The following ARSB variants were observed in gnomAD, a reference collection of about 807,000 sequenced individuals.
The protein encoded by ARSB is arylsulfatase B, also known as N-acetylgalactosamine-4-sulfatase.
ARSB carries 41 observed loss-of-function variants against 50.9 expected under a neutral mutation model. That is an observed-to-expected ratio of 0.81 (90% CI 0.63 to 1.04). The LOEUF is 1.04. Among genes scored for constraint, ARSB ranks in the 50% least tolerant of loss-of-function variants. ARSB has a pLI of 0.00. For synonymous variants in ARSB, 269 were observed against 284.8 expected (o/e 0.94, Z 0.56); for missense variants, 672 against 693.3 (o/e 0.97, Z 0.35).
chr5:78,888,988 G>C (rs1243737031), intron 4 of ARSB, among the ~76,000 whole-genome samples: 1 of 152,246 alleles, frequency 6.6e-6, no homozygotes, highest in Non-Finnish European at 1.5e-5. Context: ...GCCAACTGCA[G>C]ATGTGGCCTC....
At chr5:78,792,743 C>T (rs549746282) in intron 6 of ARSB, among the ~76,000 whole-genome samples, 5 of 151,944 alleles carry the variant, frequency 3.3e-5, no homozygotes, top group Non-Finnish European at 5.9e-5. Context: ...TAAGCCCAGG[C>T]AAATAGGTAA....
chr5:78,875,667 T>TGTA (rs2112172132), intron 5 of ARSB, among the ~76,000 whole-genome samples: 1 of 144,746 alleles, frequency 6.9e-6, no homozygotes, highest in African/African-American at 2.7e-5. Flanking sequence ...TTATTTATAT[T>TGTA]ATTATTATTT....
intron 4 of ARSB, among the ~76,000 whole-genome samples, chr5:78,895,852 AAG>A (rs1339591194): frequency 6.6e-6 from 1 of 152,176 alleles, no homozygotes; most frequent in Non-Finnish European, 1.5e-5. Flanking sequence ...GAGCCAGGGG[AAG>A]AGAGAGGACT....
chr5:78,949,815 C>T (rs1230940803), intron 4 of ARSB, among the ~76,000 whole-genome samples: 1 of 152,070 alleles, frequency 6.6e-6, no homozygotes, highest in Non-Finnish European at 1.5e-5. Flanking sequence ...GAGGCTGAGG[C>T]AGGAGAATCA....
At chr5:78,923,205 G>T (rs182352632) in intron 4 of ARSB, among the ~76,000 whole-genome samples, 68 of 152,332 alleles carry the variant, frequency 4.5e-4, no homozygotes, top group Non-Finnish European at 9.0e-4. Flanking sequence ...CCATCTCACT[G>T]GGACCCTTTG....
At chr5:78,968,297 G>T (rs1752292322) in intron 2 of ARSB, among the ~76,000 whole-genome samples, 1 of 148,750 alleles carries the variant, frequency 6.7e-6, no homozygotes, top group South Asian at 2.1e-4. Flanking sequence ...CTTTGTGAAG[G>T]AAATATTCAT....
intron 6 of ARSB, among the ~76,000 whole-genome samples, chr5:78,826,091 G>GGCTGGA (rs1744422829): frequency 6.6e-6 from 1 of 150,562 alleles, no homozygotes; most frequent in Admixed American, 6.6e-5. Context: ...CTGTTGCCCA[G>GGCTGGA]GCTGGAGTGC....
intron 5 of ARSB, chr5:78,884,489 G>A (rs376749): frequency 0.75 from 113,422 of 151,740 alleles, 43,929 homozygotes; most frequent in East Asian, 1. Context: ...CCTGAAACCT[G>A]CTATTCTTGA....
intron 4 of ARSB, among the ~76,000 whole-genome samples, chr5:78,927,751 G>A (rs1750119991): frequency 6.6e-6 from 1 of 152,170 alleles, no homozygotes; most frequent in Admixed American, 6.5e-5. Context: ...AGAGGAGTTT[G>A]CCTCTGCCTA....
chr5:78,883,539 C>T (rs1010135459), intron 5 of ARSB: 6 of 152,310 alleles, frequency 3.9e-5, no homozygotes, highest in Non-Finnish European at 8.8e-5. Flanking sequence ...CTACCCAATA[C>T]TATAAATGTT....
chr5:78,962,103 T>C (rs778641095), intron 3 of ARSB, among the ~76,000 whole-genome samples: 1 of 152,158 alleles, frequency 6.6e-6, no homozygotes, highest in Admixed American at 6.6e-5. Flanking sequence ...TCAGAGAGCA[T>C]GAGTTTAAAT....
At chr5:78,876,584 T>C (rs1202176050) in intron 5 of ARSB, among the ~76,000 whole-genome samples, 2 of 152,196 alleles carry the variant, frequency 1.3e-5, no homozygotes, top group Admixed American at 1.3e-4. Flanking sequence ...GAAGGGCAAC[T>C]GAAATGTAGT....
At chr5:78,959,239 T>C (rs551578602) in intron 3 of ARSB, among the ~76,000 whole-genome samples, 3 of 152,154 alleles carry the variant, frequency 2.0e-5, no homozygotes, top group Admixed American at 2.0e-4. Context: ...ACTTGTTTGC[T>C]TCCCCTTCCA....
intron 5 of ARSB, among the ~76,000 whole-genome samples, chr5:78,877,715 A>G (rs1384793514): frequency 6.6e-6 from 1 of 152,158 alleles, no homozygotes; most frequent in African/African-American, 2.4e-5. Context: ...AAGAATACAA[A>G]AATATCCAGC....
intron 6 of ARSB, among the ~76,000 whole-genome samples, chr5:78,825,044 A>G (rs752605018): frequency 1.3e-4 from 20 of 152,190 alleles, no homozygotes; most frequent in Non-Finnish European, 2.6e-4. Context: ...ACGGTCAGGA[A>G]TGTGTTTGGT....
intron 4 of ARSB, among the ~76,000 whole-genome samples, chr5:78,890,140 C>T (rs911102052): frequency 6.6e-6 from 1 of 151,882 alleles, no homozygotes; most frequent in Non-Finnish European, 1.5e-5. Context: ...TAATATATGT[C>T]TTAGTACACA....
intron 4 of ARSB, among the ~76,000 whole-genome samples, chr5:78,892,077 T>C (rs1409404288): frequency 6.6e-6 from 1 of 152,110 alleles, no homozygotes; most frequent in Non-Finnish European, 1.5e-5. Flanking sequence ...GCTATTTTTA[T>C]GTATGCTAGT....
At chr5:78,791,349 T>A (rs1749230849) in intron 6 of ARSB, among the ~76,000 whole-genome samples, 1 of 152,234 alleles carries the variant, frequency 6.6e-6, no homozygotes, top group South Asian at 2.1e-4. Flanking sequence ...ATTATGTAAA[T>A]CAAATGTGTC....
At chr5:78,965,516 G>A (rs1179665356) in intron 2 of ARSB, among the ~76,000 whole-genome samples, 2 of 152,054 alleles carry the variant, frequency 1.3e-5, no homozygotes, top group Non-Finnish European at 2.9e-5. Context: ...TTCTTTTTTG[G>A]GGATGATAAA....
Sources: gnomAD v4.1 joint callset for allele counts (sites outside exome capture counted in the v4.1 genomes callset) on GRCh38, gnomAD v4.1.1 for gene constraint, MANE v1.5 for transcripts, NCBI Gene and HGNC (gene_info 2026-07-23, HGNC 2026-07-21) for gene names.